Variants in SLC6A6 observed in about 807,000 individuals in gnomAD.
SLC6A6 encodes sodium- and chloride-dependent taurine transporter.
Under a neutral mutation model 68.8 loss-of-function variants are expected in SLC6A6, and 16 were observed. The ratio of observed to expected loss-of-function variants is 0.23; its 90% CI spans 0.16 to 0.35. The LOEUF is 0.35. Among genes scored for constraint, SLC6A6 ranks in the 10% least tolerant of loss-of-function variants. The pLI is 1.00. For synonymous variants in SLC6A6, 312 were observed against 315.4 expected (o/e 0.99, Z 0.12); for missense variants, 474 against 802.8 (o/e 0.59, Z 4.95).
intron 5 of SLC6A6, 96 bp downstream of exon 5, chr3:14,447,912 G>GTCT (rs1700166762): frequency 6.5e-7 from 1 of 1,534,552 alleles, no homozygotes; most frequent in Non-Finnish European, 8.8e-7. Flanking sequence ...AGGAGCCACT[G>GTCT]TCTTCGGGGG....
chr3:14,437,891 G>A (rs546391785), intron 2 of SLC6A6, among the ~76,000 whole-genome samples: 1 of 151,480 alleles, frequency 6.6e-6, no homozygotes, highest in Admixed American at 6.6e-5. Flanking sequence ...GCAGTGGTGC[G>A]ATCTTGGCTC....
In SLC6A6 at chr3:14,445,785, A is replaced by G. The variant is rs1448014656; in HGVS notation, c.298A>G (p.Ile100Val). 1 of 1,614,138 alleles carries G rather than the reference A, an allele frequency of 6.2e-7. No individual in the cohort carries two copies. Among genetic ancestry groups the G allele is most frequent in the South Asian group, 1.1e-5 (1 of 91,088 alleles). The change falls in exon 4 of 15, where the codon ATC becomes GTC. Residue 100 changes from isoleucine (I) to valine (V), a missense_variant. By Grantham distance (29) the Ile-to-Val change is conservative. Transcript: ENST00000622186. ...CCTGCCTGTGTTTTTCTTGGAGATC[A>G]TCATAGGCCAGTACACCTCTGAAGG... Reference protein sequence around the residue: ...SGLPVFFLEIIIGQYTSEGGI... With the variant: ...SGLPVFFLEIVIGQYTSEGGI...
intron 1 of SLC6A6, among the ~76,000 whole-genome samples, chr3:14,409,209 C>T (rs994856964): frequency 1.9e-4 from 29 of 152,232 alleles, no homozygotes; most frequent in Admixed American, 5.2e-4. Context: ...TCAGAACACA[C>T]GGATCTGCCA....
intron 1 of SLC6A6, among the ~76,000 whole-genome samples, chr3:14,410,732 G>A (rs1699234582): frequency 6.6e-6 from 1 of 152,232 alleles, no homozygotes; most frequent in African/African-American, 2.4e-5. Flanking sequence ...GGGGTGCCCT[G>A]AGAGGCTCTT....
chr3:14,421,328 C>T (rs920043551), intron 2 of SLC6A6, among the ~76,000 whole-genome samples: 3 of 152,164 alleles, frequency 2.0e-5, no homozygotes, highest in African/African-American at 7.2e-5. Flanking sequence ...AGGACCTGAG[C>T]TCAGGGGTCC....
chr3:14,451,891 G>A (rs1349946423), intron 5 of SLC6A6, among the ~76,000 whole-genome samples: 4 of 152,208 alleles, frequency 2.6e-5, no homozygotes, highest in African/African-American at 7.2e-5. Context: ...TACCCTCGAA[G>A]GTTGGTCTTG....
At chr3:14,415,452 T>C (rs574235760) in intron 1 of SLC6A6, among the ~76,000 whole-genome samples, 7 of 152,326 alleles carry the variant, frequency 4.6e-5, no homozygotes, top group African/African-American at 1.7e-4. Context: ...CCTGGAGGCC[T>C]CTGTCTGCTC....
At position 14,472,212 on chromosome 3, in the gene SLC6A6, C is replaced by T. The variant is rs199794619; in HGVS notation, c.1104C>T (p.Gly368=). The stretch of plus-strand genomic sequence containing the variant: ...GTTTTCTTTCCTTTCTAGGTCCTGG[C>T]CTGGCCTTCATTGCCTACCCAAAAG... ...DIADVAESGP[G]LAFIAYPKAV... The change falls in exon 10 of 15, where the codon GGC becomes GGT. Residue 368 remains glycine (G), a synonymous_variant. Transcript: ENST00000622186. The surrounding 1 kb of genome is among the most constrained non-coding windows in gnomAD (Gnocchi z 4.5). 5 of 1,609,538 alleles carry T rather than the reference C, an allele frequency of 3.1e-6. No homozygotes were observed. Among genetic ancestry groups the T allele is most frequent in the South Asian group, 1.1e-5 (1 of 90,986 alleles).
At position 14,447,143 on chromosome 3, in the gene SLC6A6, C is replaced by T. The variant is rs146612238; in HGVS notation, c.365-439C>T. On this transcript the variant is annotated intron_variant, in intron 4 of 14. Coordinates refer to ENST00000622186, the MANE Select transcript of SLC6A6 (RefSeq NM_003043.6). ...AACATTCTTCAATTTAGCTGTTTAT[C>T]CATTCATCTGGCCATTCATTCAATC... 1.6e-3 allele frequency among the ~76,000 whole-genome samples: 244 copies of T among 152,148 alleles called. 1 individual carries two copies. Among genetic ancestry groups the T allele is most frequent in the African/African-American group, 5.5e-3 (227 of 41,490 alleles).
chr3:14,452,941 C>G (rs1335909789), intron 5 of SLC6A6, among the ~76,000 whole-genome samples: 1 of 152,194 alleles, frequency 6.6e-6, no homozygotes, highest in Non-Finnish European at 1.5e-5. Context: ...CTCCAGACCC[C>G]CTGGGAGCTC....
chr3:14,479,854 G>A (rs1221170648), intron 13 of SLC6A6, among the ~76,000 whole-genome samples: 1 of 152,228 alleles, frequency 6.6e-6, no homozygotes, highest in African/African-American at 2.4e-5. Flanking sequence ...CCATGGCAAA[G>A]CCGTCAGGGT....
intron 2 of SLC6A6, among the ~76,000 whole-genome samples, chr3:14,424,356 T>TAA (rs572276461): frequency 4.3e-5 from 6 of 140,388 alleles, no homozygotes; most frequent in Non-Finnish European, 6.3e-5. Context: ...CACGCAAAGT[T>TAA]AAAAAAAAAA....
At chr3:14,443,985 TC>T in intron 3 of SLC6A6, 122 bp downstream of exon 3, 4 of 673,572 alleles carry the variant, frequency 5.9e-6, no homozygotes, top group Non-Finnish European at 1.0e-5. Context: ...CCCCTTGACC[TC>T]CATGAGGTCA....
intron 1 of SLC6A6, among the ~76,000 whole-genome samples, chr3:14,404,035 G>A (rs80120927): frequency 1.6e-3 from 246 of 152,366 alleles, no homozygotes; most frequent in African/African-American, 5.7e-3. Context: ...AATCAGCTCA[G>A]TAATTGCCCA....
chr3:14,471,571 C>A (rs1700753145), intron 9 of SLC6A6, among the ~76,000 whole-genome samples: 1 of 152,210 alleles, frequency 6.6e-6, no homozygotes, highest in South Asian at 2.1e-4. Flanking sequence ...GGCTTGCAGG[C>A]CTGGGACCTT....
chr3:14,477,015 C>T lies in SLC6A6; in HGVS notation c.1210-190C>T, dbSNP rs533868386. Among the ~76,000 whole-genome samples the T allele has an allele frequency of 2.6e-5, 4 of 152,298 alleles. No homozygotes were observed. The East Asian group carries it at 7.7e-4, about 29-fold the overall frequency. ...TTGTCTGGCTCCGAGGAGTGGCAGG[C>T]GGGACTCCCCAGGCACAGTCAGGGA... On this transcript the variant is annotated intron_variant, in intron 10 of 14. Transcript: ENST00000622186. The surrounding 1 kb of genome is among the most constrained non-coding windows in gnomAD (Gnocchi z 4.2).
intron 9 of SLC6A6, among the ~76,000 whole-genome samples, chr3:14,469,881 C>G (rs1700712112): frequency 6.6e-6 from 1 of 152,168 alleles, no homozygotes. Context: ...TCCCTGCTTC[C>G]AAAGTGGACC....
At chr3:14,424,332 G>C (rs1308042436) in intron 2 of SLC6A6, among the ~76,000 whole-genome samples, 1 of 151,232 alleles carries the variant, frequency 6.6e-6, no homozygotes, top group Non-Finnish European at 1.5e-5. Context: ...AGGGCCTCTT[G>C]AAGGTGCTTT....
chr3:14,407,753 T>A (rs1699142833), intron 1 of SLC6A6, among the ~76,000 whole-genome samples: 1 of 152,130 alleles, frequency 6.6e-6, no homozygotes, highest in Admixed American at 6.6e-5. Flanking sequence ...CGATCCACCC[T>A]TGCGGGCCTC....
Sources: gnomAD v4.1 joint callset for allele counts (sites outside exome capture counted in the v4.1 genomes callset) on GRCh38, gnomAD v4.1.1 for gene constraint, Gnocchi (gnomAD v3.1) non-coding constraint, MANE v1.5 for transcripts, NCBI Gene and HGNC (gene_info 2026-07-23, HGNC 2026-07-21) for gene names.